CAMK2A: variants seen among roughly 807,000 people sequenced by gnomAD.
The protein encoded by CAMK2A is calcium/calmodulin-dependent protein kinase type II subunit alpha.
CAMK2A carries 7 observed loss-of-function variants against 79.2 expected under a neutral mutation model. The ratio of observed to expected loss-of-function variants is 0.09; its 90% CI spans 0.05 to 0.17. The LOEUF is 0.17. Among genes scored for constraint, CAMK2A ranks in the 10% least tolerant of loss-of-function variants. The pLI, the probability that CAMK2A is intolerant of heterozygous loss-of-function variation, is 1.00. For synonymous variants in CAMK2A, 242 were observed against 251.7 expected, an observed-to-expected ratio of 0.96 and a Z score of 0.36; for missense variants, 214 against 646.4, an observed-to-expected ratio of 0.33 and a Z score of 7.25.
intron 15 of CAMK2A, among the ~76,000 whole-genome samples, chr5:150,236,155 G>C (rs891527611): frequency 3.3e-5 from 5 of 152,116 alleles, no homozygotes; most frequent in Admixed American, 6.5e-5. Flanking sequence ...GGATAATGAC[G>C]GCAAATGTGA....
rs977180733 is a variant in CAMK2A, at chr5:150,256,912, G to C, written c.273-81C>G. On this transcript the variant is annotated intron_variant, in intron 4 of 18. Coordinates refer to ENST00000671881, the MANE Select transcript of CAMK2A (RefSeq NM_015981.4). The surrounding 1 kb of genome is among the most constrained non-coding windows in gnomAD (Gnocchi z 4.6). ...CTGGAGGAGTCTCCAGGAAACTAAG[G>C]ATGGGGCCCAGGGACCTCAGGACCT... 7.8e-7 allele frequency: 1 copy of C among 1,274,170 alleles called. No individual in the cohort carries two copies. Among genetic ancestry groups the C allele is most frequent in the African/African-American group, 1.5e-5 (1 of 67,132 alleles). The allele number at this position is 1,274,170 out of a possible 1,614,324, so 78.9% of individuals were successfully genotyped here.
At chr5:150,247,751 C>T in intron 12 of CAMK2A, 21 bp downstream of exon 12, 1 of 1,603,894 alleles carries the variant, frequency 6.2e-7, no homozygotes, top group Non-Finnish European at 8.5e-7. Flanking sequence ...TTACTGGGGA[C>T]CCTGAGGTCC....
intron 15 of CAMK2A, among the ~76,000 whole-genome samples, chr5:150,231,719 C>T (rs531971266): frequency 1.6e-4 from 24 of 152,098 alleles, no homozygotes; most frequent in African/African-American, 5.1e-4. Context: ...TCTGAATCTA[C>T]GCCTGATGTA....
intron 3 of CAMK2A, among the ~76,000 whole-genome samples, chr5:150,261,387 G>A (rs1421278833): frequency 2.6e-5 from 4 of 152,154 alleles, no homozygotes; most frequent in South Asian, 2.1e-4. Context: ...CCTGAGGAAC[G>A]ACTCAGCCAG....
chr5:150,263,387 C>T (rs540643366), intron 3 of CAMK2A, among the ~76,000 whole-genome samples: 36 of 150,650 alleles, frequency 2.4e-4, no homozygotes, highest in African/African-American at 8.8e-4. Context: ...CTCACACAGA[C>T]ATTCACACAC....
intron 2 of CAMK2A, chr5:150,265,419 A>G (rs6870290): frequency 0.024 from 4,245 of 177,974 alleles, 185 homozygotes; most frequent in African/African-American, 0.092. Context: ...AGCTTGAAAC[A>G]CTTACTCTAC....
At chr5:150,270,885 C>G (rs1756720798) in intron 2 of CAMK2A, among the ~76,000 whole-genome samples, 1 of 152,192 alleles carries the variant, frequency 6.6e-6, no homozygotes, top group Non-Finnish European at 1.5e-5. Context: ...AAACAGGAGC[C>G]ATGGCCCTTC....
At chr5:150,235,756 T>G (rs754841303) in intron 15 of CAMK2A, among the ~76,000 whole-genome samples, 4 of 152,142 alleles carry the variant, frequency 2.6e-5, no homozygotes, top group Non-Finnish European at 5.9e-5. Flanking sequence ...CATTTCTAAT[T>G]AACTTTAATG....
intron 1 of CAMK2A, among the ~76,000 whole-genome samples, chr5:150,275,781 G>A (rs1347404048): frequency 6.6e-6 from 1 of 152,174 alleles, no homozygotes; most frequent in Non-Finnish European, 1.5e-5. Flanking sequence ...TAGTCCCCAT[G>A]TAGTTGGGGT....
At chr5:150,247,999 C>G (rs1390687255) in intron 11 of CAMK2A, among the ~76,000 whole-genome samples, 185 bp from the exon 12 acceptor site, 1 of 152,218 alleles carries the variant, frequency 6.6e-6, no homozygotes, top group Non-Finnish European at 1.5e-5. Flanking sequence ...CATCCCTCGC[C>G]CCCTGGAGAA....
At position 150,256,494 on chromosome 5, in the gene CAMK2A, G is replaced by A; in HGVS notation, c.411+79C>T. The A allele has an allele frequency of 1.1e-6, 1 of 941,846 alleles. No homozygotes were observed. The highest frequency in any genetic ancestry group is 1.6e-5 in the African/African-American group (1 of 61,938). The allele number at this position is 941,846 out of a possible 1,614,324, so 58.3% of individuals were successfully genotyped here. A position where few individuals can be genotyped will look rare whatever the true frequency, so the allele number is the denominator to read the frequency against. ...GAGAAATTAAAGCGATTCTGATAAT[G>A]TCCAGCTCTGCAGGATTAGGGACGT... On this transcript the variant is annotated intron_variant, in intron 6 of 18. Transcript: ENST00000671881. This position sits in a 1 kb window ranked among gnomAD's most constrained non-coding sequence, Gnocchi z 4.6.
intron 1 of CAMK2A, among the ~76,000 whole-genome samples, chr5:150,273,563 C>G (rs1180699729): frequency 6.6e-6 from 1 of 152,174 alleles, no homozygotes; most frequent in Non-Finnish European, 1.5e-5. Context: ...AAATGACCCC[C>G]TCCCGCCCCT....
intron 12 of CAMK2A, 137 bp from the exon 13 acceptor site, chr5:150,245,338 G>GCCTCCTCCTCCTCCTCCT (rs34649296): frequency 8.2e-5 from 54 of 659,188 alleles, no homozygotes; most frequent in African/African-American, 1.2e-4. Context: ...CCTGGGGGAG[G>GCCTCCTCCTCCTCCTCCT]CCTCCTCCTC....
chr5:150,223,224 G>A lies in CAMK2A; in HGVS notation c.1238-7C>T, dbSNP rs761892783. The stretch of plus-strand genomic sequence containing the variant: ...TTGCTGTTCCGGGACCACACTGGAG[G>A]AGGGGATGGGAGGGGCAGAGGAGAT... On this transcript the variant is annotated splice_region_variant and splice_polypyrimidine_tract_variant and intron_variant, in intron 17 of 18. Coordinates refer to ENST00000671881, the MANE Select transcript of CAMK2A (RefSeq NM_015981.4). This position sits in a 1 kb window ranked among gnomAD's most constrained non-coding sequence, Gnocchi z 4.1. 4 of 1,608,244 alleles carry A rather than the reference G, an allele frequency of 2.5e-6. No individual in the cohort carries two copies. Among genetic ancestry groups the A allele is most frequent in the East Asian group, 4.5e-5 (2 of 44,862 alleles).
intron 1 of CAMK2A, among the ~76,000 whole-genome samples, chr5:150,285,555 G>A (rs1255153499): frequency 6.6e-6 from 1 of 152,156 alleles, no homozygotes; most frequent in Non-Finnish European, 1.5e-5. Flanking sequence ...TCAGTACAGG[G>A]AGTTGCCTCT....
intron 15 of CAMK2A, among the ~76,000 whole-genome samples, chr5:150,234,491 G>A (rs1450871387): frequency 2.0e-5 from 3 of 152,222 alleles, no homozygotes; most frequent in Non-Finnish European, 4.4e-5. Flanking sequence ...TAAGGATTGA[G>A]TTAAGAATAT....
Position 150,223,048 on chromosome 5 carries a change from C to T in CAMK2A, c.1407G>A (p.Arg469=). Residue 469 remains arginine, a synonymous_variant, in exon 18 of 19, where the codon CGG becomes CGA. Transcript: ENST00000671881. The surrounding 1 kb of genome is among the most constrained non-coding windows in gnomAD (Gnocchi z 4.1). ...QSEETRVWHR[R]DGKWQIVHFH... ...AGTGGACGATCTGCCATTTGCCATC[C>T]CGGCGGTGCCAGACACGGGTCTCCT... 1 of 1,614,230 alleles carries T rather than the reference C, an allele frequency of 6.2e-7. No individual in the cohort carries two copies. The highest frequency in any genetic ancestry group is 8.5e-7 in the Non-Finnish European group (1 of 1,180,040).
chr5:150,229,910 A>G (rs1754767018), intron 16 of CAMK2A, among the ~76,000 whole-genome samples: 1 of 152,140 alleles, frequency 6.6e-6, no homozygotes, highest in African/African-American at 2.4e-5. Context: ...TGTACACATC[A>G]CCCTCAGTTC....
At chr5:150,244,400 T>G (rs1026411424) in intron 13 of CAMK2A, among the ~76,000 whole-genome samples, 5 of 152,234 alleles carry the variant, frequency 3.3e-5, no homozygotes, top group Admixed American at 2.0e-4. Flanking sequence ...ATCCCAGCCC[T>G]GGGGCCCTCG....
Sources: gnomAD v4.1 joint callset for allele counts (sites outside exome capture counted in the v4.1 genomes callset) on GRCh38, gnomAD v4.1.1 for gene constraint, Gnocchi (gnomAD v3.1) non-coding constraint, MANE v1.5 for transcripts, NCBI Gene and HGNC (gene_info 2026-07-23, HGNC 2026-07-21) for gene names.